Variants in ICOS observed in about 807,000 individuals in gnomAD.
The protein encoded by ICOS is inducible T-cell costimulator.
A neutral mutation model predicts 24.6 loss-of-function variants in ICOS; 15 were observed. That is an observed-to-expected ratio of 0.61 (90% CI 0.41 to 0.94). The LOEUF is 0.94. Ranked by LOEUF, ICOS falls within the 40% of genes least tolerant of loss-of-function variation. The probability of loss-of-function intolerance (pLI) is 0.00; values close to 1 mark genes in which losing one functional copy is unlikely to be tolerated. For missense variants in ICOS, 200 were observed against 233.0 expected (o/e 0.86, Z 0.92); for synonymous variants, 89 against 77.5 (o/e 1.15, Z -0.78).
At chr2:203,942,037 A>G (rs951349981) in intron 1 of ICOS, among the ~76,000 whole-genome samples, 6 of 152,222 alleles carry the variant, frequency 3.9e-5, no homozygotes, top group Non-Finnish European at 7.3e-5. Flanking sequence ...ATAGACCAGG[A>G]GTTTCCATCC....
intron 1 of ICOS, among the ~76,000 whole-genome samples, chr2:203,947,758 A>G (rs1689899668): frequency 1.3e-5 from 2 of 152,188 alleles, no homozygotes; most frequent in African/African-American, 4.8e-5. Flanking sequence ...AAGTAAACAG[A>G]TATGGTAGCA....
At chr2:203,951,596 C>T (rs537759861) in intron 1 of ICOS, among the ~76,000 whole-genome samples, 11 of 152,194 alleles carry the variant, frequency 7.2e-5, no homozygotes, top group South Asian at 2.1e-4. Flanking sequence ...TGCCACAGTG[C>T]GGGCACAATG....
At chr2:203,954,069 A>G (rs1690030864) in intron 1 of ICOS, among the ~76,000 whole-genome samples, 1 of 152,246 alleles carries the variant, frequency 6.6e-6, no homozygotes, top group Non-Finnish European at 1.5e-5. Flanking sequence ...AAACCAGCAT[A>G]CTAATAATTT....
rs920348100 is a variant in ICOS at position 203,961,128 on chromosome 2, T to G, written c.*1529T>G. The G allele has an allele frequency of 1.3e-5, 2 of 152,288 alleles. No individual in the cohort carries two copies. Among genetic ancestry groups the G allele is most frequent in the Non-Finnish European group, 2.9e-5 (2 of 68,100 alleles). 9.4% of individuals were successfully genotyped at this position (152,288 alleles called of 1,614,324 possible). On this transcript the variant is annotated 3_prime_UTR_variant, in exon 5 of 5. Coordinates refer to ENST00000316386, the MANE Select transcript of ICOS (RefSeq NM_012092.4). ...AACTTTAGGTAAACTGGGATTATGT[T>G]GTAGTTTAACATTTTGTAACTGTGT...
At position 203,944,780 on chromosome 2, in the gene ICOS, A is replaced by G. The variant is rs547735544; in HGVS notation, c.58+7908A>G. ...TGTGCTAAAATATACTGGCCTAAAC[A>G]AAGTATTATTGGGAGCATAGAAATA... On this transcript the variant is annotated intron_variant, in intron 1 of 4. Coordinates refer to ENST00000316386, the MANE Select transcript of ICOS (RefSeq NM_012092.4). Among the ~76,000 whole-genome samples the G allele has an allele frequency of 6.6e-5, 10 of 152,322 alleles. 2 individuals carry two copies. The highest frequency in any genetic ancestry group is 2.4e-4 in the African/African-American group (10 of 41,570).
chr2:203,957,884 G>A lies in ICOS; in HGVS notation c.586+1G>A. The A allele has an allele frequency of 6.3e-7, 1 of 1,584,908 alleles. No individual in the cohort carries two copies. Among genetic ancestry groups the A allele is most frequent in the Non-Finnish European group, 8.7e-7 (1 of 1,153,698 alleles). ...ACAGCCAAAAAATCTAGACTCACAG[G>A]TATGACTCCATTTGGGGGTTTGGGA... is the stretch of plus-strand genomic sequence containing the variant. On this transcript the variant is annotated splice_donor_variant, in intron 4 of 4. Coordinates refer to ENST00000316386, the MANE Select transcript of ICOS (RefSeq NM_012092.4). LOFTEE classifies it high-confidence loss of function.
intron 1 of ICOS, among the ~76,000 whole-genome samples, chr2:203,953,452 A>C (rs1581605294): frequency 6.6e-6 from 1 of 152,228 alleles, no homozygotes; most frequent in African/African-American, 2.4e-5. Flanking sequence ...AGGGACTGCT[A>C]TAACTGAAGA....
intron 4 of ICOS, among the ~76,000 whole-genome samples, chr2:203,958,426 G>C (rs528749029): frequency 3.3e-5 from 5 of 152,290 alleles, no homozygotes; most frequent in African/African-American, 1.2e-4. Flanking sequence ...GATGGCTTTA[G>C]AAGTCTCAGT....
chr2:203,944,229 C>T (rs988743774), intron 1 of ICOS, among the ~76,000 whole-genome samples: 3 of 152,178 alleles, frequency 2.0e-5, no homozygotes, highest in Non-Finnish European at 4.4e-5. Flanking sequence ...GAGTTTTATA[C>T]CCTGCTCCTC....
chr2:203,948,570 C>G (rs763917234), intron 1 of ICOS, among the ~76,000 whole-genome samples: 3 of 152,126 alleles, frequency 2.0e-5, no homozygotes, highest in Admixed American at 6.5e-5. Flanking sequence ...ATTGTAGATA[C>G]TTGGGATGGA....
chr2:203,945,855 A>C lies in ICOS; in HGVS notation c.58+8983A>C, dbSNP rs10171973. ...AAAACCAGATAGTGATGTTGAAAGG[A>C]ATTTGGAAACAAGGAACTAGAAGTT... is the stretch of plus-strand genomic sequence containing the variant. On this transcript the variant is annotated intron_variant, in intron 1 of 4. Coordinates refer to ENST00000316386, the MANE Select transcript of ICOS (RefSeq NM_012092.4). Among the ~76,000 whole-genome samples, 1,021 of 152,338 alleles carry C rather than the reference A, an allele frequency of 6.7e-3. 24 individuals carry two copies. Among genetic ancestry groups the C allele is most frequent in the African/African-American group, 0.024 (977 of 41,574 alleles).
intron 3 of ICOS, 103 bp from the exon 4 acceptor site, chr2:203,957,696 T>A (rs1690101015): frequency 2.4e-6 from 2 of 846,706 alleles, no homozygotes; most frequent in Middle Eastern, 2.2e-4. Flanking sequence ...CACATTATCA[T>A]GTTTTTGTCA....
chr2:203,956,639 T>G lies in ICOS; in HGVS notation c.395-20T>G, dbSNP rs778517424. On this transcript the variant is annotated intron_variant, in intron 2 of 4. Transcript: ENST00000316386. ...GGTTCAGCAGAATTTTTCATTAACA[T>G]ACCTTTTTTTCCAATCCAGAATCAC... is the stretch of plus-strand genomic sequence containing the variant. The G allele has an allele frequency of 6.4e-7, 1 of 1,554,194 alleles. No individual in the cohort carries two copies. Among genetic ancestry groups the G allele is most frequent in the Non-Finnish European group, 8.9e-7 (1 of 1,125,402 alleles).
chr2:203,958,546 G>A (rs1451242931), intron 4 of ICOS, among the ~76,000 whole-genome samples: 1 of 152,152 alleles, frequency 6.6e-6, no homozygotes, highest in Non-Finnish European at 1.5e-5. Context: ...CATGTCTTAT[G>A]CCCTTGAGGT....
chr2:203,939,827 C>A (rs1238063709), intron 1 of ICOS, among the ~76,000 whole-genome samples: 1 of 152,144 alleles, frequency 6.6e-6, no homozygotes, highest in African/African-American at 2.4e-5. Context: ...TGACAGCACC[C>A]CCTTCCAGAG....
At chr2:203,942,992 T>G (rs1287269125) in intron 1 of ICOS, among the ~76,000 whole-genome samples, 1 of 152,214 alleles carries the variant, frequency 6.6e-6, no homozygotes, top group Non-Finnish European at 1.5e-5. Flanking sequence ...TGTCCAAAGT[T>G]TCCTGAAATT....
intron 1 of ICOS, among the ~76,000 whole-genome samples, chr2:203,950,044 A>T (rs983266944): frequency 6.6e-6 from 1 of 152,262 alleles, no homozygotes; most frequent in Non-Finnish European, 1.5e-5. Flanking sequence ...TTCAAATGTT[A>T]CCAAAGGCTA....
intron 4 of ICOS, among the ~76,000 whole-genome samples, 180 bp downstream of exon 4, chr2:203,958,063 T>G (rs1395139347): frequency 2.0e-5 from 3 of 152,182 alleles, no homozygotes; most frequent in Non-Finnish European, 2.9e-5. Context: ...CTGCAGTATA[T>G]TGAAAACAAA....
At chr2:203,948,669 A>T (rs6761201) in intron 1 of ICOS, among the ~76,000 whole-genome samples, 1 of 152,208 alleles carries the variant, frequency 6.6e-6, no homozygotes, top group African/African-American at 2.4e-5. Flanking sequence ...GATAAACCAG[A>T]TAATTTCAGA....
Sources: allele counts gnomAD v4.1 joint callset (sites outside exome capture counted in the v4.1 genomes callset), GRCh38; gene constraint gnomAD v4.1.1; transcripts MANE v1.5; gene names NCBI Gene and HGNC (gene_info 2026-07-23, HGNC 2026-07-21).